BRWD1: variants seen among roughly 807,000 people sequenced by gnomAD.
BRWD1 encodes the protein bromodomain and WD repeat domain containing 1, also known as bromodomain and WD repeat-containing protein 1.
In BRWD1, 82 loss-of-function variants were observed where a neutral mutation model predicts 251.2. That is an observed-to-expected ratio of 0.33 (90% CI 0.27 to 0.39). The LOEUF is 0.39. Ranked by LOEUF, BRWD1 falls within the 10% of genes least tolerant of loss-of-function variation. The probability of loss-of-function intolerance (pLI) is 1.00; values close to 1 mark genes in which losing one functional copy is unlikely to be tolerated. For synonymous variants in BRWD1, 918 were observed against 902.8 expected (o/e 1.02, Z -0.30); for missense variants, 2,233 against 2,711.6 (o/e 0.82, Z 3.92).
chr21:39,228,463 T>C (rs773960121), intron 27 of BRWD1, 37 bp downstream of exon 27: 1 of 1,404,102 alleles, frequency 7.1e-7, no homozygotes, highest in South Asian at 1.2e-5. Flanking sequence ...CAGATTAATT[T>C]TTAAGGGTAT....
chr21:39,290,238 C>G (rs896791401), intron 8 of BRWD1, among the ~76,000 whole-genome samples: 2 of 151,990 alleles, frequency 1.3e-5, no homozygotes, highest in East Asian at 3.9e-4. Flanking sequence ...ACCTGTAATC[C>G]CAGCACTTTG....
intron 23 of BRWD1, among the ~76,000 whole-genome samples, chr21:39,232,880 G>A (rs1261232959): frequency 1.3e-5 from 2 of 152,128 alleles, no homozygotes; most frequent in South Asian, 4.1e-4. Flanking sequence ...ATTTTAGGTT[G>A]TAAGACCGGT....
At chr21:39,313,384 C>T (rs2036586424) in intron 1 of BRWD1, 59 bp downstream of exon 1, 8 of 1,479,342 alleles carry the variant, frequency 5.4e-6, no homozygotes, top group African/African-American at 1.5e-5. Flanking sequence ...CCCGGGGAGC[C>T]GGGGAAGCCG....
intron 38 of BRWD1, among the ~76,000 whole-genome samples, chr21:39,200,732 T>A (rs1228648274): frequency 6.6e-6 from 1 of 152,194 alleles, no homozygotes; most frequent in East Asian, 1.9e-4. Flanking sequence ...ACTCCAGTAA[T>A]CCTAGCATTT....
At chr21:39,307,768 C>A (rs1056050740) in intron 4 of BRWD1, among the ~76,000 whole-genome samples, 1 of 152,218 alleles carries the variant, frequency 6.6e-6, no homozygotes, top group African/African-American at 2.4e-5. Flanking sequence ...GTATTTCCCA[C>A]AAGTCTTGAA....
chr21:39,295,344 A>G (rs768592349), intron 7 of BRWD1, among the ~76,000 whole-genome samples: 49 of 150,608 alleles, frequency 3.3e-4, no homozygotes, highest in Middle Eastern at 3.4e-3. Context: ...CCACCACCAC[A>G]CCCGGCTAAT....
Position 39,201,528 on chromosome 21 carries a change from C to T in BRWD1, c.4585+797G>A, listed in dbSNP as rs527768101. ...CCCCAAAACGGTCTTTTCATTTGCA[C>T]AAAATGCATCCTTCTTTCCTTCAGT... On this transcript the variant is annotated intron_variant, in intron 38 of 40. Coordinates refer to ENST00000342449, the MANE Select transcript of BRWD1 (RefSeq NM_033656.4). Among the ~76,000 whole-genome samples, 38 of 152,352 alleles carry T rather than the reference C, an allele frequency of 2.5e-4. 2 individuals are homozygous for T. The highest frequency in any genetic ancestry group is 8.7e-4 in the African/African-American group (36 of 41,584).
At chr21:39,271,516 C>T (rs1179240984) in intron 13 of BRWD1, among the ~76,000 whole-genome samples, 11 of 150,894 alleles carry the variant, frequency 7.3e-5, no homozygotes, top group African/African-American at 2.2e-4. Flanking sequence ...GGTGAAACCT[C>T]GTCTCTACTA....
intron 4 of BRWD1, among the ~76,000 whole-genome samples, chr21:39,299,247 CA>C (rs34445556): frequency 0.55 from 62,866 of 114,696 alleles, 13,631 homozygotes; most frequent in Middle Eastern, 0.64. Flanking sequence ...TCGCCTGTCT[CA>C]AAAAAAAAAA....
upstream of BRWD1, chr21:39,317,059 A>G (rs531454558): frequency 3.3e-5 from 5 of 152,342 alleles, no homozygotes; most frequent in African/African-American, 9.6e-5. Flanking sequence ...AAAGATTTCT[A>G]ACAAGAGAGA....
intron 29 of BRWD1, among the ~76,000 whole-genome samples, chr21:39,220,189 TCTC>T (rs1177673085): frequency 1.3e-5 from 2 of 152,104 alleles, no homozygotes; most frequent in African/African-American, 4.8e-5. Flanking sequence ...CCTGGGCTGG[TCTC>T]CTCAGGTATT....
intron 31 of BRWD1, chr21:39,217,001 G>T (rs1601298161): frequency 3.5e-5 from 3 of 86,124 alleles, no homozygotes; most frequent in South Asian, 4.4e-4. Context: ...TTATCATTTA[G>T]CTCCCACAAA....
chr21:39,226,306 A>G (rs780173220), intron 27 of BRWD1, among the ~76,000 whole-genome samples: 24 of 152,194 alleles, frequency 1.6e-4, no homozygotes, highest in Non-Finnish European at 3.1e-4. Context: ...TCCACTGTAA[A>G]AATGAAAACA....
In BRWD1 at chr21:39,191,358, C is replaced by CTGGAAT. The variant is rs2031544483; in HGVS notation, c.*4895_*4900dup. The CTGGAAT allele has an allele frequency of 1.0e-6, 1 of 985,178 alleles. No individual in the cohort carries two copies. The highest frequency in any genetic ancestry group is 6.2e-5 in the Admixed American group (1 of 16,240). The allele number at this position is 985,178 out of a possible 1,614,324, so 61.0% of individuals were successfully genotyped here. A position where few individuals can be genotyped will look rare whatever the true frequency, so the allele number is the denominator to read the frequency against. ...GGTTGGGGAACCACTTGGGACAAGT[C>CTGGAAT]TGGAATTAACCAGCTAGAATGTATT... is the stretch of plus-strand genomic sequence containing the variant. On this transcript the variant is annotated 3_prime_UTR_variant, in exon 41 of 41. Coordinates refer to ENST00000342449, the MANE Select transcript of BRWD1 (RefSeq NM_033656.4).
chr21:39,220,971 A>AT (rs1423350871), intron 29 of BRWD1, among the ~76,000 whole-genome samples: 2 of 152,066 alleles, frequency 1.3e-5, no homozygotes, highest in Non-Finnish European at 2.9e-5. Flanking sequence ...CAGCCTGGCC[A>AT]TGGCAAAAGC....
intron 10 of BRWD1, among the ~76,000 whole-genome samples, chr21:39,277,801 G>T (rs2035325430): frequency 6.6e-6 from 1 of 151,994 alleles, no homozygotes; most frequent in South Asian, 2.1e-4. Flanking sequence ...CCTGACCTCA[G>T]GTGATCCACC....
rs747184009 is a variant in BRWD1 at position 39,188,733 on chromosome 21, C to T, written c.*7526G>A. The T allele has an allele frequency of 3.9e-5, 38 of 985,386 alleles. No homozygotes were observed. The highest frequency in any genetic ancestry group is 4.6e-5 in the Non-Finnish European group (38 of 829,908). The allele number at this position is 985,386 out of a possible 1,614,324, so 61.0% of individuals were successfully genotyped here. A position where few individuals can be genotyped will look rare whatever the true frequency, so the allele number is the denominator to read the frequency against. On this transcript the variant is annotated 3_prime_UTR_variant, in exon 41 of 41. Transcript: ENST00000342449. ...TCACACTTCTCTAAGATCAGTTGAGCGTTCTCCCCAGAATAGGTTAGGAAA... is the reference window on the plus strand; with the variant it reads ...TCACACTTCTCTAAGATCAGTTGAGTGTTCTCCCCAGAATAGGTTAGGAAA...
chr21:39,236,552 G>C (rs763538289), intron 23 of BRWD1, 43 bp downstream of exon 23: 3 of 1,432,274 alleles, frequency 2.1e-6, no homozygotes, highest in Admixed American at 2.2e-5. Flanking sequence ...GTAAAGCTGG[G>C]GTATCATGAT....
intron 31 of BRWD1, chr21:39,216,720 A>G (rs1031116603): frequency 1.9e-5 from 8 of 421,818 alleles, no homozygotes; most frequent in Non-Finnish European, 3.8e-5. Context: ...GGACTGTGTT[A>G]AAGACTTCAC....
Sources: gnomAD v4.1 joint callset for allele counts (sites outside exome capture counted in the v4.1 genomes callset) on GRCh38, gnomAD v4.1.1 for gene constraint, MANE v1.5 for transcripts, NCBI Gene and HGNC (gene_info 2026-07-23, HGNC 2026-07-21) for gene names.